The following BMPR1A variants were observed in gnomAD, a reference collection of about 807,000 sequenced individuals.
The protein encoded by BMPR1A is bone morphogenetic protein receptor type-1A.
In BMPR1A, 7 loss-of-function variants were observed where a neutral mutation model predicts 66.0. That is an observed-to-expected ratio of 0.11 (90% confidence interval 0.06 to 0.20). The LOEUF (loss-of-function observed/expected upper bound fraction) is 0.20, where lower values mean the gene tolerates loss of function less well. Ranked by LOEUF, BMPR1A falls within the 10% of genes least tolerant of loss-of-function variation. BMPR1A has a pLI of 1.00. For synonymous variants in BMPR1A, 200 were observed against 229.7 expected (o/e 0.87, Z 1.17); for missense variants, 408 against 669.1 (o/e 0.61, Z 4.31).
intron 9 of BMPR1A, among the ~76,000 whole-genome samples, chr10:86,917,571 A>C (rs1843593981): frequency 6.6e-6 from 1 of 152,206 alleles, no homozygotes; most frequent in Non-Finnish European, 1.5e-5. Context: ...TATTGGACTT[A>C]CTCCCATAGT....
At chr10:86,897,462 T>TAG (rs1843240859) in intron 5 of BMPR1A, among the ~76,000 whole-genome samples, 1 of 152,174 alleles carries the variant, frequency 6.6e-6, no homozygotes, top group African/African-American at 2.4e-5. Context: ...TTTAGGGACT[T>TAG]AGAAGTTTTT....
At chr10:86,779,033 G>C (rs939546123) in intron 1 of BMPR1A, among the ~76,000 whole-genome samples, 2 of 151,562 alleles carry the variant, frequency 1.3e-5, no homozygotes, top group Non-Finnish European at 2.9e-5. Flanking sequence ...CTGCCAAAGG[G>C]CTGGGATTAC....
chr10:86,845,914 G>A (rs1228784647), intron 2 of BMPR1A, among the ~76,000 whole-genome samples: 6 of 151,772 alleles, frequency 4.0e-5, no homozygotes, highest in South Asian at 2.1e-4. Context: ...GGAGAATGGC[G>A]TGGACTCGGG....
rs373275590 is a variant in BMPR1A at position 86,847,190 on chromosome 10, G to T, written c.-153+8211G>T. Among the ~76,000 whole-genome samples the T allele has an allele frequency of 1.2e-4, 18 of 152,172 alleles. No individual in the cohort carries two copies. In the East Asian group the frequency reaches 1.4e-3, roughly 11 times the overall value. On this transcript the variant is annotated intron_variant, in intron 2 of 12. Transcript: ENST00000372037. ...ACTTTTAGATGCAGACGGTGGTTTG[G>T]GAACTTGCAGCTCCATATGGTATAG...
chr10:86,874,685 GC>G (rs1295225524), intron 2 of BMPR1A, among the ~76,000 whole-genome samples: 37 of 149,720 alleles, frequency 2.5e-4, no homozygotes, highest in Non-Finnish European at 3.7e-4. Context: ...GGGATTACAG[GC>G]GTGAGTCACT....
At chr10:86,837,523 G>A (rs1176426552) in intron 1 of BMPR1A, among the ~76,000 whole-genome samples, 1 of 152,106 alleles carries the variant, frequency 6.6e-6, no homozygotes, top group Non-Finnish European at 1.5e-5. Flanking sequence ...GGCTTTGGAG[G>A]AAAATCTCTT....
At chr10:86,781,453 G>A (rs1407168164) in intron 1 of BMPR1A, among the ~76,000 whole-genome samples, 1 of 152,088 alleles carries the variant, frequency 6.6e-6, no homozygotes, top group Non-Finnish European at 1.5e-5. Context: ...ATATTTTCAG[G>A]TGTTGTATTG....
chr10:86,865,996 C>A (rs1488492213), intron 2 of BMPR1A, among the ~76,000 whole-genome samples: 1 of 152,150 alleles, frequency 6.6e-6, no homozygotes, highest in Admixed American at 6.5e-5. Flanking sequence ...TGGAAGGAAG[C>A]AGAGAGTGTA....
intron 9 of BMPR1A, 37 bp downstream of exon 9, chr10:86,917,363 C>G: frequency 6.2e-7 from 1 of 1,610,582 alleles, no homozygotes; most frequent in Non-Finnish European, 8.5e-7. Context: ...TCATTTTTGA[C>G]AAGGCTAGTG....
chr10:86,771,930 C>T (rs897569514), intron 1 of BMPR1A, among the ~76,000 whole-genome samples: 2 of 151,424 alleles, frequency 1.3e-5, no homozygotes, highest in African/African-American at 4.9e-5. Context: ...GTGCCTGGCT[C>T]CAATTTATAC....
intron 8 of BMPR1A, 52 bp downstream of exon 8, chr10:86,912,436 C>T (rs2133546884): frequency 6.3e-7 from 1 of 1,598,456 alleles, no homozygotes; most frequent in Non-Finnish European, 8.6e-7. Flanking sequence ...TAGAATGTGT[C>T]CTCATGATGG....
intron 2 of BMPR1A, among the ~76,000 whole-genome samples, chr10:86,839,228 C>G (rs1005478353): frequency 6.6e-6 from 1 of 152,130 alleles, no homozygotes; most frequent in Non-Finnish European, 1.5e-5. Context: ...TAATCACTTT[C>G]ATAAATCTCC....
rs1843753078 is a variant in BMPR1A at position 86,926,781 on chromosome 10, T to C, written c.*3062T>C. 1 of 187,944 alleles carries C rather than the reference T, an allele frequency of 5.3e-6. No individual in the cohort carries two copies. Among genetic ancestry groups the C allele is most frequent in the East Asian group, 8.5e-5 (1 of 11,700 alleles). The allele number at this position is 187,944 out of a possible 1,614,324, so 11.6% of individuals were successfully genotyped here. On this transcript the variant is annotated 3_prime_UTR_variant, in exon 13 of 13. Coordinates refer to ENST00000372037, the MANE Select transcript of BMPR1A (RefSeq NM_004329.3). ...TCATTCAGATAGCTCTTTAAATAAT[T>C]AAAATATAAAAGCAAACAACCCAAA...
chr10:86,760,522 C>T (rs1430786970), intron 1 of BMPR1A, among the ~76,000 whole-genome samples: 3 of 152,084 alleles, frequency 2.0e-5, no homozygotes, highest in African/African-American at 7.2e-5. Context: ...ACAGGTGAGG[C>T]ACTGTGGCTG....
chr10:86,869,191 T>C (rs1442189011), intron 2 of BMPR1A, among the ~76,000 whole-genome samples: 1 of 152,190 alleles, frequency 6.6e-6, no homozygotes, highest in African/African-American at 2.4e-5. Flanking sequence ...GCACGGTGGC[T>C]CACACCTGTA....
chr10:86,827,061 C>G (rs888756447), intron 1 of BMPR1A, among the ~76,000 whole-genome samples: 1 of 151,946 alleles, frequency 6.6e-6, no homozygotes, highest in Non-Finnish European at 1.5e-5. Flanking sequence ...TAAATCTGGT[C>G]CAAACTTCTA....
downstream of BMPR1A, chr10:86,929,887 T>A (rs1408874031): frequency 1.3e-5 from 2 of 152,242 alleles, no homozygotes; most frequent in Non-Finnish European, 2.9e-5. Context: ...TCCTTGTAGA[T>A]AGTTTCAAGC....
At chr10:86,828,241 C>T (rs1047660154) in intron 1 of BMPR1A, among the ~76,000 whole-genome samples, 10 of 152,164 alleles carry the variant, frequency 6.6e-5, no homozygotes, top group Non-Finnish European at 1.2e-4. Context: ...TCAGGCCATC[C>T]GTCATATGCA....
At chr10:86,764,785 G>T (rs1051896060) in intron 1 of BMPR1A, among the ~76,000 whole-genome samples, 5 of 152,208 alleles carry the variant, frequency 3.3e-5, no homozygotes, top group African/African-American at 1.2e-4. Flanking sequence ...TTGAAGACTT[G>T]AACTGTGGCT....
Sources: allele counts gnomAD v4.1 joint callset (sites outside exome capture counted in the v4.1 genomes callset), GRCh38; gene constraint gnomAD v4.1.1; transcripts MANE v1.5; gene names NCBI Gene and HGNC (gene_info 2026-07-23, HGNC 2026-07-21).